MAGI1: variants seen among roughly 807,000 people sequenced by gnomAD.
MAGI1 encodes the protein membrane-associated guanylate kinase, WW and PDZ domain-containing protein 1.
Under a neutral mutation model 139.9 loss-of-function variants are expected in MAGI1, and 58 were observed. The ratio of observed to expected loss-of-function variants is 0.41; its 90% CI spans 0.34 to 0.52. MAGI1 has a LOEUF of 0.52. Among genes scored for constraint, MAGI1 ranks in the 20% least tolerant of loss-of-function variants. The pLI is 0.12. For missense variants in MAGI1, 1,874 were observed against 1,901.6 expected, an observed-to-expected ratio of 0.99 and a Z score of 0.27; for synonymous variants, 812 against 737.9, an observed-to-expected ratio of 1.10 and a Z score of -1.63.
Position 65,470,356 on chromosome 3 carries a change from C to T in MAGI1, c.886G>A (p.Glu296Lys). 5.0e-6 allele frequency: 8 copies of T among 1,613,882 alleles called. No homozygotes were observed. The highest frequency in any genetic ancestry group is 6.8e-6 in the Non-Finnish European group (8 of 1,179,872). The stretch of plus-strand genomic sequence containing the variant: ...TCAGGTAGAGGACCTAAATTATCCT[C>T]TGCAGAAAGAGGTAGGTATTGAGGG... ...KFPQYLPLSAEDNLGPLPENW... is the reference protein window; with the variant it reads ...KFPQYLPLSAKDNLGPLPENW... Residue 296 changes from glutamate (E) to lysine (K), a missense_variant, in exon 5 of 23, where the codon GAG becomes AAG. Transcript: ENST00000402939.
chr3:65,820,058 T>A (rs1650527186), intron 1 of MAGI1, among the ~76,000 whole-genome samples: 1 of 151,962 alleles, frequency 6.6e-6, no homozygotes, highest in South Asian at 2.1e-4. Context: ...TGTCCCAGCA[T>A]TTTATTAATC....
chr3:65,810,367 G>A (rs1328056912), intron 1 of MAGI1, among the ~76,000 whole-genome samples: 1 of 152,202 alleles, frequency 6.6e-6, no homozygotes, highest in African/African-American at 2.4e-5. Context: ...CATGAATGTG[G>A]CAGTAATGCC....
At chr3:66,019,303 T>A (rs577615002) in intron 1 of MAGI1, among the ~76,000 whole-genome samples, 128 of 152,334 alleles carry the variant, frequency 8.4e-4, no homozygotes, top group African/African-American at 2.5e-3. Flanking sequence ...TTGTTGGCAG[T>A]GGGCTCTCTG....
intron 1 of MAGI1, among the ~76,000 whole-genome samples, chr3:65,795,703 A>ACACACACACACACACG (rs2040082645): frequency 7.0e-6 from 1 of 142,484 alleles, no homozygotes; most frequent in African/African-American, 2.5e-5. Context: ...AGATACACAC[A>ACACACACACACACACG]CACACACACA....
At chr3:65,915,090 TG>T (rs1397186959) in intron 1 of MAGI1, among the ~76,000 whole-genome samples, 2 of 152,188 alleles carry the variant, frequency 1.3e-5, no homozygotes, top group Non-Finnish European at 2.9e-5. Flanking sequence ...TTAGGCAAAT[TG>T]TGTGGTAAAT....
intron 2 of MAGI1, among the ~76,000 whole-genome samples, chr3:65,605,750 T>G (rs993396130): frequency 6.6e-6 from 1 of 152,154 alleles, no homozygotes; most frequent in African/African-American, 2.4e-5. Flanking sequence ...AAAGTATACA[T>G]TGTCCAACTC....
chr3:65,876,797 G>T (rs2060134137), intron 1 of MAGI1, among the ~76,000 whole-genome samples: 1 of 148,328 alleles, frequency 6.7e-6, no homozygotes, highest in South Asian at 2.1e-4. Context: ...AGGATGGAGT[G>T]CAGTGGCCCA....
chr3:65,540,898 C>T (rs2079179707), intron 2 of MAGI1, among the ~76,000 whole-genome samples: 2 of 152,172 alleles, frequency 1.3e-5, no homozygotes, highest in South Asian at 4.1e-4. Context: ...AGCAGCCAGG[C>T]TGAGAGAGGG....
intron 15 of MAGI1, 66 bp downstream of exon 15, chr3:65,383,466 C>A: frequency 8.5e-7 from 1 of 1,182,400 alleles, no homozygotes; most frequent in Non-Finnish European, 1.3e-6. Flanking sequence ...TGATTTGTCA[C>A]TGTCGCCAAT....
chr3:65,734,505 G>GAGAGAGAA (rs2034520011), intron 1 of MAGI1, among the ~76,000 whole-genome samples: 1 of 140,398 alleles, frequency 7.1e-6, no homozygotes, highest in Non-Finnish European at 1.5e-5. Flanking sequence ...GAAAGAGGAA[G>GAGAGAGAA]AGAGAGAAAG....
intron 1 of MAGI1, among the ~76,000 whole-genome samples, chr3:65,658,326 G>A (rs2086001790): frequency 2.6e-5 from 4 of 152,106 alleles, no homozygotes; most frequent in Admixed American, 2.0e-4. Flanking sequence ...CATCAGTACA[G>A]GAACAAAACT....
chr3:65,711,543 T>C (rs2031421299), intron 1 of MAGI1, among the ~76,000 whole-genome samples: 1 of 152,208 alleles, frequency 6.6e-6, no homozygotes, highest in South Asian at 2.1e-4. Flanking sequence ...CCAAAATTCA[T>C]CTGCTAAAAT....
At chr3:65,610,238 C>G (rs1350589374) in intron 2 of MAGI1, among the ~76,000 whole-genome samples, 1 of 151,830 alleles carries the variant, frequency 6.6e-6, no homozygotes, top group African/African-American at 2.4e-5. Context: ...TGAATGCCCA[C>G]CTTTCAATAG....
At chr3:65,710,383 C>T (rs1020355070) in intron 1 of MAGI1, among the ~76,000 whole-genome samples, 4 of 145,108 alleles carry the variant, frequency 2.8e-5, no homozygotes, top group Admixed American at 7.2e-5. Flanking sequence ...CAGGTTCAAG[C>T]AATTCTCCTG....
At chr3:65,779,519 A>T (rs939337434) in intron 1 of MAGI1, among the ~76,000 whole-genome samples, 1 of 152,264 alleles carries the variant, frequency 6.6e-6, no homozygotes, top group Non-Finnish European at 1.5e-5. Flanking sequence ...TTTAAAAAGC[A>T]AACTTTAGAA....
intron 1 of MAGI1, chr3:65,873,318 A>C (rs1040535025): frequency 6.6e-6 from 1 of 152,226 alleles, no homozygotes; most frequent in African/African-American, 2.4e-5. Flanking sequence ...AGGCCTGCAG[A>C]GGTTTGCAGC....
intron 2 of MAGI1, among the ~76,000 whole-genome samples, chr3:65,611,024 T>C (rs2083059457): frequency 1.5e-5 from 2 of 129,186 alleles, no homozygotes; most frequent in African/African-American, 5.8e-5. Context: ...ACATATAGTG[T>C]GTATATAGTA....
intron 1 of MAGI1, among the ~76,000 whole-genome samples, chr3:65,652,153 T>C (rs1336026127): frequency 1.3e-5 from 2 of 152,180 alleles, no homozygotes; most frequent in Non-Finnish European, 2.9e-5. Flanking sequence ...AGTGGAGCCA[T>C]TATTTAAATA....
intron 1 of MAGI1, among the ~76,000 whole-genome samples, chr3:65,853,988 G>A (rs2059292238): frequency 6.6e-6 from 1 of 152,022 alleles, no homozygotes; most frequent in Non-Finnish European, 1.5e-5. Flanking sequence ...CACACCTGTA[G>A]CCCCAGCTAC....
Sources: allele counts gnomAD v4.1 joint callset (sites outside exome capture counted in the v4.1 genomes callset), GRCh38; gene constraint gnomAD v4.1.1; transcripts MANE v1.5; gene names NCBI Gene and HGNC (gene_info 2026-07-23, HGNC 2026-07-21).